DAGLA: variants seen among roughly 807,000 people sequenced by gnomAD.
DAGLA encodes diacylglycerol lipase-alpha.
A neutral mutation model predicts 102.6 loss-of-function variants in DAGLA; 22 were observed. That is an observed-to-expected ratio of 0.21 (90% CI 0.15 to 0.31). The LOEUF is 0.31. DAGLA is among the 10% of genes least tolerant of loss of function. The pLI is 1.00. For synonymous variants in DAGLA, 578 were observed against 628.9 expected (o/e 0.92, Z 1.21); for missense variants, 927 against 1,446.6 (o/e 0.64, Z 5.83).
In DAGLA at chr11:61,723,572, G is replaced by A. The variant is rs780443344; in HGVS notation, c.548G>A (p.Arg183Gln). The A allele has an allele frequency of 2.3e-5, 37 of 1,612,756 alleles. No homozygotes were observed. Among genetic ancestry groups the A allele is most frequent in the East Asian group, 4.5e-5 (2 of 44,836 alleles). Residue 183 changes from arginine (R) to glutamine (Q), a missense_variant and splice_region_variant, in exon 5 of 20, where the codon CGG becomes CAG. Arg to Gln is a conservative substitution (Grantham distance 43). Transcript: ENST00000257215. Reference protein sequence around the residue: ...RQRNLRTYNLRHRLEEGQATS... With the variant: ...RQRNLRTYNLQHRLEEGQATS... ...CGTAACCTGCGGACCTACAACCTGC[G>A]GTCAGTCAGCGGGCTGGGTGGGCAG...
intron 1 of DAGLA, among the ~76,000 whole-genome samples, chr11:61,693,785 C>T (rs577533718): frequency 6.6e-6 from 1 of 152,240 alleles, no homozygotes; most frequent in African/African-American, 2.4e-5. Context: ...CTTTCACCAT[C>T]GCCTCCCTCA....
Position 61,720,782 on chromosome 11 carries a change from C to T in DAGLA, c.199C>T (p.Leu67=), listed in dbSNP as rs1366377010. The T allele has an allele frequency of 6.2e-7, 1 of 1,613,946 alleles. No homozygotes were observed. The highest frequency in any genetic ancestry group is 1.7e-5 in the Admixed American group (1 of 60,036). The change falls in exon 3 of 20, where the codon CTG becomes TTG. Residue 67 remains leucine, a synonymous_variant. Transcript: ENST00000257215. ...CGGCCGCGGCTACCTGGGCATCCTG[C>T]TGAGCTGCATGATCGCTGAGATGGC... ...DHGRGYLGIL[L]SCMIAEMAII...
At chr11:61,715,668 C>T (rs1349384329) in intron 1 of DAGLA, among the ~76,000 whole-genome samples, 1 of 152,232 alleles carries the variant, frequency 6.6e-6, no homozygotes, top group Non-Finnish European at 1.5e-5. Context: ...TCTGTTTGCT[C>T]ACTCCAGCCC....
intron 1 of DAGLA, among the ~76,000 whole-genome samples, chr11:61,698,055 T>C (rs555670188): frequency 6.6e-6 from 1 of 152,366 alleles, no homozygotes; most frequent in South Asian, 2.1e-4. Flanking sequence ...ACTGCCCTTA[T>C]CACCCTTATG....
chr11:61,690,385 C>T (rs883724), intron 1 of DAGLA, among the ~76,000 whole-genome samples: 20,354 of 152,184 alleles, frequency 0.13, 1,537 homozygotes, highest in East Asian at 0.27. Flanking sequence ...GGTATCACTT[C>T]GTCCTGAGGG....
chr11:61,729,991 T>G (rs2065360556), intron 8 of DAGLA, among the ~76,000 whole-genome samples: 1 of 151,572 alleles, frequency 6.6e-6, no homozygotes, highest in Non-Finnish European at 1.5e-5. Context: ...GAGGATTGCT[T>G]GAGCCCAGGA....
intron 1 of DAGLA, among the ~76,000 whole-genome samples, chr11:61,706,365 C>T (rs1316808451): frequency 6.6e-6 from 1 of 152,206 alleles, no homozygotes; most frequent in Non-Finnish European, 1.5e-5. Flanking sequence ...TTGGGCTGGC[C>T]AGGGCTCTGC....
At chr11:61,688,869 G>A (rs1316219195) in intron 1 of DAGLA, among the ~76,000 whole-genome samples, 1 of 152,242 alleles carries the variant, frequency 6.6e-6, no homozygotes, top group Non-Finnish European at 1.5e-5. Flanking sequence ...AGGCTCCCGG[G>A]GCACTGGCTG....
Position 61,720,119 on chromosome 11 carries a change from G to A in DAGLA, c.-37G>A. 1 of 1,601,736 alleles carries A rather than the reference G, an allele frequency of 6.2e-7. No homozygotes were observed. The highest frequency in any genetic ancestry group is 8.5e-7 in the Non-Finnish European group (1 of 1,174,142). The stretch of plus-strand genomic sequence containing the variant: ...TCCTCTGCTTTCTTTCAGGAGGTGA[G>A]CACCAGGCCCACTGAGCCTCTGCAG... On this transcript the variant is annotated 5_prime_UTR_variant, in exon 2 of 20. Transcript: ENST00000257215.
At chr11:61,740,336 C>T in intron 17 of DAGLA, 127 bp from the exon 18 acceptor site, 1 of 1,241,598 alleles carries the variant, frequency 8.1e-7, no homozygotes, top group Non-Finnish European at 1.1e-6. Context: ...TGCTGCCAGG[C>T]AGGCCAGGGG....
intron 14 of DAGLA, 139 bp from the exon 15 acceptor site, chr11:61,737,548 C>A: frequency 9.6e-7 from 1 of 1,045,566 alleles, no homozygotes; most frequent in Non-Finnish European, 1.5e-6. Context: ...AGCAGGCAAC[C>A]CAGCCTGCCA....
intron 1 of DAGLA, among the ~76,000 whole-genome samples, chr11:61,701,022 T>G (rs2065106450): frequency 6.6e-6 from 1 of 152,228 alleles, no homozygotes; most frequent in Non-Finnish European, 1.5e-5. Context: ...CCAGCATCGC[T>G]CAGATGTTGT....
At chr11:61,682,236 T>C (rs2135543328) in intron 1 of DAGLA, among the ~76,000 whole-genome samples, 1 of 152,116 alleles carries the variant, frequency 6.6e-6, no homozygotes, top group Non-Finnish European at 1.5e-5. Flanking sequence ...TGAAAGGAAA[T>C]GGTGCACGTG....
At chr11:61,702,171 G>A (rs2065114537) in intron 1 of DAGLA, among the ~76,000 whole-genome samples, 1 of 152,166 alleles carries the variant, frequency 6.6e-6, no homozygotes, top group Non-Finnish European at 1.5e-5. Context: ...AAAGCATTGG[G>A]ATTACAGGTG....
At chr11:61,712,159 C>G (rs2065199309) in intron 1 of DAGLA, among the ~76,000 whole-genome samples, 1 of 152,174 alleles carries the variant, frequency 6.6e-6, no homozygotes, top group African/African-American at 2.4e-5. Flanking sequence ...GGGGAGGGGT[C>G]TCTGGCCAAG....
chr11:61,700,787 G>A (rs2065103903), intron 1 of DAGLA, among the ~76,000 whole-genome samples: 1 of 152,106 alleles, frequency 6.6e-6, no homozygotes, highest in Non-Finnish European at 1.5e-5. Context: ...TACCCACCTG[G>A]GACACACCCA....
chr11:61,717,013 G>A (rs1041801581), intron 1 of DAGLA, among the ~76,000 whole-genome samples: 83 of 152,246 alleles, frequency 5.5e-4, no homozygotes, highest in Non-Finnish European at 7.4e-4. Flanking sequence ...AAGGTATGCC[G>A]TGCCTGCCCT....
intron 1 of DAGLA, among the ~76,000 whole-genome samples, chr11:61,714,167 G>A (rs2107617): frequency 2.0e-5 from 3 of 151,944 alleles, no homozygotes; most frequent in Non-Finnish European, 2.9e-5. Context: ...TCATCCTCCC[G>A]GCCCTCAATT....
intron 1 of DAGLA, among the ~76,000 whole-genome samples, chr11:61,696,389 C>T (rs896088873): frequency 2.0e-5 from 3 of 152,120 alleles, no homozygotes; most frequent in African/African-American, 7.2e-5. Context: ...ACCTGACGCC[C>T]AGCCGTCCGT....
Sources: allele counts gnomAD v4.1 joint callset (sites outside exome capture counted in the v4.1 genomes callset), GRCh38; gene constraint gnomAD v4.1.1; transcripts MANE v1.5; gene names NCBI Gene and HGNC (gene_info 2026-07-23, HGNC 2026-07-21).